The following PECR variants were observed in gnomAD, a reference collection of about 807,000 sequenced individuals.
PECR encodes 2,4-dienoyl-CoA reductase-related protein.
In PECR, 30 loss-of-function variants were observed where a neutral mutation model predicts 35.3. That is an observed-to-expected ratio of 0.85 (90% confidence interval 0.64 to 1.15). The LOEUF (loss-of-function observed/expected upper bound fraction) is 1.15. Among genes scored for constraint, PECR ranks in the 50% most tolerant of loss-of-function variants. PECR has a pLI of 0.00. For missense variants in PECR, 392 were observed against 370.8 expected (o/e 1.06, Z -0.47); for synonymous variants, 148 against 138.9 (o/e 1.07, Z -0.46).
intron 4 of PECR, among the ~76,000 whole-genome samples, chr2:216,053,889 C>T (rs962402093): frequency 3.3e-5 from 5 of 152,032 alleles, no homozygotes; most frequent in African/African-American, 1.2e-4. Context: ...TTTTTTTAAT[C>T]CACACTTTTC....
At chr2:216,073,607 T>C (rs1010669418) in intron 1 of PECR, among the ~76,000 whole-genome samples, 1 of 151,952 alleles carries the variant, frequency 6.6e-6, no homozygotes, top group Non-Finnish European at 1.5e-5. Flanking sequence ...ATTTTTACTA[T>C]ATCTTTTATT....
downstream of PECR, chr2:216,034,229 A>C (rs1379256693): frequency 1.3e-5 from 2 of 152,250 alleles, no homozygotes; most frequent in African/African-American, 4.8e-5. Context: ...TCAATGGTGA[A>C]GTTTTACAGT....
chr2:216,039,122 T>A lies in PECR; in HGVS notation c.*153A>T. 1.6e-6 allele frequency: 1 copy of A among 625,884 alleles called. No individual in the cohort carries two copies. The highest frequency in any genetic ancestry group is 2.9e-6 in the Non-Finnish European group (1 of 346,266). The allele number at this position is 625,884 out of a possible 1,614,324, so 38.8% of individuals were successfully genotyped here. A position where few individuals can be genotyped will look rare whatever the true frequency, so the allele number is the denominator to read the frequency against. On this transcript the variant is annotated 3_prime_UTR_variant, in exon 8 of 8. Transcript: ENST00000265322. Reference sequence around the variant, plus strand: ...TCTGATTGGGACATAAGACTGTATATATTTCAGGAATAGTTTTTCCATAGA... The same window carrying A: ...TCTGATTGGGACATAAGACTGTATAAATTTCAGGAATAGTTTTTCCATAGA...
At chr2:216,035,573 C>T (rs1317093683), downstream of PECR, among the ~76,000 whole-genome samples, 2 of 151,852 alleles carry the variant, frequency 1.3e-5, no homozygotes, top group Non-Finnish European at 2.9e-5. Flanking sequence ...CTGCAATCTC[C>T]GCCCTCAGGT....
intron 1 of PECR, among the ~76,000 whole-genome samples, chr2:216,079,274 C>T (rs953286949): frequency 1.9e-4 from 28 of 148,472 alleles, no homozygotes; most frequent in African/African-American, 5.5e-4. Context: ...ATTTAAAAGA[C>T]GAAGACAATT....
intron 1 of PECR, among the ~76,000 whole-genome samples, chr2:216,074,773 A>G (rs964907592): frequency 2.6e-5 from 4 of 152,256 alleles, no homozygotes; most frequent in African/African-American, 9.6e-5. Context: ...ACAACTTTAC[A>G]AGTCCATTTA....
chr2:216,074,527 AG>A (rs1439391055), intron 1 of PECR, among the ~76,000 whole-genome samples: 5 of 134,796 alleles, frequency 3.7e-5, no homozygotes, highest in Middle Eastern at 3.7e-3. Flanking sequence ...GAAGGAAGGA[AG>A]GAAGGAAGGA....
At chr2:216,047,042 T>A (rs1221227453) in intron 6 of PECR, among the ~76,000 whole-genome samples, 1 of 152,234 alleles carries the variant, frequency 6.6e-6, no homozygotes, top group East Asian at 1.9e-4. Context: ...TTGAGGCAGG[T>A]GGATCACCTG....
intron 1 of PECR, among the ~76,000 whole-genome samples, chr2:216,075,288 G>C (rs1302682273): frequency 6.6e-6 from 1 of 151,596 alleles, no homozygotes; most frequent in Non-Finnish European, 1.5e-5. Flanking sequence ...ACAAAACAAA[G>C]AAAAAACAAG....
chr2:216,049,376 G>A lies in PECR; in HGVS notation c.604-3C>T, dbSNP rs1266274723. 4 of 1,304,790 alleles carry A rather than the reference G, an allele frequency of 3.1e-6. No individual in the cohort carries two copies. Among genetic ancestry groups the A allele is most frequent in the Non-Finnish European group, 3.3e-6 (3 of 898,428 alleles). 80.8% of individuals were successfully genotyped at this position (1,304,790 alleles called of 1,614,324 possible). A position where few individuals can be genotyped will look rare whatever the true frequency, so the allele number is the denominator to read the frequency against. ...GCAGTCTGGGAATAAATAACTCCCTGTGTTTAAAAATAAAACAGGGACAAA... is the reference window on the plus strand; with the variant it reads ...GCAGTCTGGGAATAAATAACTCCCTATGTTTAAAAATAAAACAGGGACAAA... On this transcript the variant is annotated splice_region_variant and splice_polypyrimidine_tract_variant and intron_variant, in intron 5 of 7. Coordinates refer to ENST00000265322, the MANE Select transcript of PECR (RefSeq NM_018441.6).
intron 3 of PECR, 85 bp from the exon 4 acceptor site, chr2:216,059,061 G>A (rs1344504931): frequency 4.9e-6 from 4 of 821,422 alleles, no homozygotes; most frequent in Non-Finnish European, 8.6e-6. Flanking sequence ...CTGCCTGTTT[G>A]ATATGTTTTA....
At chr2:216,068,864 A>G (rs1037785939) in intron 1 of PECR, among the ~76,000 whole-genome samples, 1 of 146,838 alleles carries the variant, frequency 6.8e-6, no homozygotes, top group African/African-American at 2.5e-5. Flanking sequence ...CAGAAATAGT[A>G]ATTATGTGAG....
intron 6 of PECR, among the ~76,000 whole-genome samples, chr2:216,046,943 T>C (rs1269423207): frequency 1.3e-5 from 2 of 152,132 alleles, no homozygotes; most frequent in Non-Finnish European, 2.9e-5. Context: ...TTTCAGAAAA[T>C]AACACAGAGT....
chr2:216,058,900 T>A lies in PECR; in HGVS notation c.501A>T (p.Leu167Phe), dbSNP rs1429441062. ...IIVPTKAGFP[L>F]AVHSGAARAG... Reference sequence around the variant, plus strand: ...AACTATATAAAAACGCTTACACAGCTAATGGAAATCCAGCTTTAGTAGGGA... The same window carrying A: ...AACTATATAAAAACGCTTACACAGCAAATGGAAATCCAGCTTTAGTAGGGA... The change falls in exon 4 of 8, where the codon TTA becomes TTT. Residue 167 changes from leucine (L) to phenylalanine (F), a missense_variant. Transcript: ENST00000265322. 1 of 1,575,564 alleles carries A rather than the reference T, an allele frequency of 6.3e-7. No homozygotes were observed.
At chr2:216,041,606 A>T (rs539345474) in intron 7 of PECR, among the ~76,000 whole-genome samples, 1 of 152,334 alleles carries the variant, frequency 6.6e-6, no homozygotes, top group African/African-American at 2.4e-5. Context: ...GTGTTCTTAT[A>T]TGTTAATGAT....
intron 5 of PECR, 61 bp downstream of exon 5, chr2:216,051,388 T>A (rs1226177292): frequency 5.2e-6 from 5 of 965,012 alleles, no homozygotes; most frequent in African/African-American, 1.6e-5. Flanking sequence ...TCTATCAACA[T>A]CACAAATGGA....
chr2:216,068,156 G>A lies in PECR; in HGVS notation c.125-1638C>T, dbSNP rs118133207. Among the ~76,000 whole-genome samples, 98 of 147,844 alleles carry A rather than the reference G, an allele frequency of 6.6e-4. 1 individual carries two copies. In the East Asian group the frequency reaches 0.018, roughly 27 times the overall value. The stretch of plus-strand genomic sequence containing the variant: ...GCAGGATAATTGCTTGAACCCGGGA[G>A]GCAGATGTTACAGGAGCTGAGATCG... On this transcript the variant is annotated intron_variant, in intron 1 of 7. Transcript: ENST00000265322.
chr2:216,042,947 A>ATG (rs1246792135), intron 7 of PECR, among the ~76,000 whole-genome samples: 1 of 134,822 alleles, frequency 7.4e-6, no homozygotes, highest in African/African-American at 2.7e-5. Flanking sequence ...ACATACGTAT[A>ATG]TGTGTATATA....
downstream of PECR, among the ~76,000 whole-genome samples, chr2:216,034,814 G>A (rs1192829437): frequency 6.6e-6 from 1 of 152,168 alleles, no homozygotes; most frequent in Admixed American, 6.5e-5. Flanking sequence ...AATCCTCATG[G>A]AAGAGGTGTA....
Sources: allele counts gnomAD v4.1 joint callset (sites outside exome capture counted in the v4.1 genomes callset), GRCh38; gene constraint gnomAD v4.1.1; transcripts MANE v1.5; gene names NCBI Gene and HGNC (gene_info 2026-07-23, HGNC 2026-07-21).